GPR18: variants seen among roughly 807,000 people sequenced by gnomAD.
GPR18 encodes N-arachidonyl glycine receptor.
GPR18 carries 20 observed loss-of-function variants against 22.8 expected under a neutral mutation model. The observed-to-expected ratio is 0.88, with a 90% CI of 0.62 to 1.28. The LOEUF (loss-of-function observed/expected upper bound fraction) is 1.28. Ranked by LOEUF, GPR18 falls within the 50% of genes most tolerant of loss-of-function variation. The pLI is 0.00. For missense variants in GPR18, 379 were observed against 412.0 expected (o/e 0.92, Z 0.69); for synonymous variants, 160 against 155.3 (o/e 1.03, Z -0.22).
In GPR18 at chr13:99,254,814, A is replaced by C; in HGVS notation, c.*63T>G. 1 of 1,271,120 alleles carries C rather than the reference A, an allele frequency of 7.9e-7. No individual in the cohort carries two copies. The highest frequency in any genetic ancestry group is 1.1e-6 in the Non-Finnish European group (1 of 900,834). 78.7% of individuals were successfully genotyped at this position (1,271,120 alleles called of 1,614,324 possible). A position where few individuals can be genotyped will look rare whatever the true frequency, so the allele number is the denominator to read the frequency against. ...CTTGATAGTATTATACAGAATATCC[A>C]TTGACGCCAGAGTAGTTAGTGAAGT... is the stretch of plus-strand genomic sequence containing the variant. On this transcript the variant is annotated 3_prime_UTR_variant, in exon 2 of 2. Transcript: ENST00000397470.
At position 99,255,146 on chromosome 13, in the gene GPR18, C is replaced by G; in HGVS notation, c.727G>C (p.Val243Leu). Residue 243 changes from valine to leucine, a missense_variant, in exon 2 of 2, where the codon GTC becomes CTC. Val to Leu is a conservative substitution (Grantham distance 32). Transcript: ENST00000397470. ...IIITLLVQVL[V>L]CFMPFHICFA... is the part of the protein sequence containing the mutation. ...CAGATGTGGAAGGGCATAAAGCAGACGAGCACCTGCACCAGCAGCGTGATG... is the reference window on the plus strand; with the variant it reads ...CAGATGTGGAAGGGCATAAAGCAGAGGAGCACCTGCACCAGCAGCGTGATG... 2 of 1,614,094 alleles carry G rather than the reference C, an allele frequency of 1.2e-6. No individual in the cohort carries two copies. Among genetic ancestry groups the G allele is most frequent in the Non-Finnish European group, 1.7e-6 (2 of 1,180,026 alleles).
At chr13:99,256,879 A>G (rs1377613615) in intron 1 of GPR18, among the ~76,000 whole-genome samples, 1 of 152,158 alleles carries the variant, frequency 6.6e-6, no homozygotes, top group East Asian at 1.9e-4. Context: ...CCCTTGTAAT[A>G]TGGAGGTGGA....
intron 1 of GPR18, chr13:99,256,236 G>A (rs549874977): frequency 6.1e-6 from 1 of 163,474 alleles, no homozygotes; most frequent in East Asian, 1.7e-4. Context: ...ACTCTAGTTT[G>A]TAATTCTCTA....
chr13:99,258,006 C>T (rs1393869379), intron 1 of GPR18, 148 bp downstream of exon 1: 1 of 152,200 alleles, frequency 6.6e-6, no homozygotes. Flanking sequence ...CACAACTGAT[C>T]CTCCTGCCTT....
chr13:99,256,016 T>A, intron 1 of GPR18, 110 bp from the exon 2 acceptor site: 1 of 704,740 alleles, frequency 1.4e-6, no homozygotes, highest in Non-Finnish European at 2.3e-6. Flanking sequence ...CGAGAGCATT[T>A]AATCAAGGAA....
At chr13:99,256,055 C>T (rs2043550067) in intron 1 of GPR18, 149 bp from the exon 2 acceptor site, 1 of 554,848 alleles carries the variant, frequency 1.8e-6, no homozygotes. Flanking sequence ...ACTGAACATT[C>T]ACAGTAATTC....
At position 99,255,654 on chromosome 13, in the gene GPR18, C is replaced by T. The variant is rs1463203338; in HGVS notation, c.219G>A (p.Met73Ile). ...AATAAAACATTCGAAAGGGTAAAGT[C>T]ATTATAAATATCAAGTCCACTAATG... ...NVALVDLIFI[M>I]TLPFRMFYYA... The change falls in exon 2 of 2, where the codon ATG (methionine) becomes ATA (isoleucine). Residue 73 changes from methionine (M) to isoleucine (I), a missense_variant. By Grantham distance (10) the Met-to-Ile change is conservative (BLOSUM62 1). Transcript: ENST00000397470. 2.5e-6 allele frequency: 4 copies of T among 1,613,832 alleles called. No homozygotes were observed. In the African/African-American group the frequency reaches 4.0e-5, roughly 16 times the overall value.
rs993264083 is a variant in GPR18 at position 99,258,344 on chromosome 13, G to A, written c.-225C>T. 2.6e-5 allele frequency: 4 copies of A among 152,330 alleles called. No homozygotes were observed. The highest frequency in any genetic ancestry group is 9.6e-5 in the African/African-American group (4 of 41,568). 9.4% of individuals were successfully genotyped at this position (152,330 alleles called of 1,614,324 possible). A position where few individuals can be genotyped will look rare whatever the true frequency, so the allele number is the denominator to read the frequency against. ...AGTTTCCAGTGTAACGCTTGGCGTC[G>A]GAGTTGGTGCTGGGCTGACTTTAAT... On this transcript the variant is annotated 5_prime_UTR_variant, in exon 1 of 2. Transcript: ENST00000397470.
chr13:99,255,785 T>A lies in GPR18; in HGVS notation c.88A>T (p.Ser30Cys). 3 of 1,613,152 alleles carry A rather than the reference T, an allele frequency of 1.9e-6. No individual in the cohort carries two copies. The highest frequency in any genetic ancestry group is 1.1e-5 in the South Asian group (1 of 91,012). ...AATAATCCAATTATGAAGATACAGCTATAGAAGACAAGGGCTGCAATTTTG... is the reference window on the plus strand; with the variant it reads ...AATAATCCAATTATGAAGATACAGCAATAGAAGACAAGGGCTGCAATTTTG... ...EYKIAALVFY[S>C]CIFIIGLFVN... The change falls in exon 2 of 2, where the codon AGC becomes TGC. Residue 30 changes from serine (S) to cysteine (C), a missense_variant. Ser to Cys is a moderately radical substitution (Grantham distance 112). Transcript: ENST00000397470.
In GPR18 at chr13:99,255,371, T is replaced by G. The variant is rs1246898168; in HGVS notation, c.502A>C (p.Thr168Pro). The G allele has an allele frequency of 1.2e-6, 2 of 1,613,502 alleles. No homozygotes were observed. The highest frequency in any genetic ancestry group is 1.7e-6 in the Non-Finnish European group (2 of 1,179,936). The change falls in exon 2 of 2, where the codon ACT (threonine) becomes CCT (proline). Residue 168 changes from threonine (T) to proline (P), a missense_variant. Thr to Pro is a conservative substitution (Grantham distance 38, BLOSUM62 -1). Transcript: ENST00000397470. ...LLYKDPDKDSTPATCLKISDI... is the reference protein window; with the variant it reads ...LLYKDPDKDSPPATCLKISDI... The stretch of plus-strand genomic sequence containing the variant: ...GAAATCTTGAGGCAGGTGGCGGGAG[T>G]GGAGTCTTTATCTGGGTCTTTATAG...
Position 99,255,007 on chromosome 13 carries a change from A to G in GPR18, c.866T>C (p.Val289Ala). 1.2e-6 allele frequency: 2 copies of G among 1,614,202 alleles called. No homozygotes were observed. Among genetic ancestry groups the G allele is most frequent in the Non-Finnish European group, 1.7e-6 (2 of 1,180,032 alleles). Residue 289 changes from valine (V) to alanine (A), a missense_variant, in exon 2 of 2, where the codon GTT becomes GCT. Val to Ala is a moderately conservative substitution (Grantham distance 64). Transcript: ENST00000397470. The stretch of plus-strand genomic sequence containing the variant: ...GACTCGAGCCTGAAATTGTTTTGAA[A>G]CGATGTAGTAGAGAATCACATCCAG... ...TCLDVILYYI[V>A]SKQFQARVIS...
Position 99,255,697 on chromosome 13 carries a change from A to G in GPR18, c.176T>C (p.Ile59Thr), listed in dbSNP as rs990432598. Residue 59 changes from isoleucine (I) to threonine (T), a missense_variant, in exon 2 of 2, where the codon ATC (isoleucine) becomes ACC (threonine). Coordinates refer to ENST00000397470, the MANE Select transcript of GPR18 (RefSeq NM_001098200.2). ...CTTKKRTTVT[I>T]YMMNVALVDL... ...CACTAATGCCACATTCATCATATAG[A>G]TGGTTACCGTGGTTCTCTTCTTGGT... 6.2e-6 allele frequency: 10 copies of G among 1,613,976 alleles called. No homozygotes were observed. The African/African-American group carries it at 8.0e-5, about 13-fold the overall frequency.
In GPR18 at chr13:99,255,318, G is replaced by A. The variant is rs145449053; in HGVS notation, c.555C>T (p.Asn185=). 58 of 1,614,010 alleles carry A rather than the reference G, an allele frequency of 3.6e-5. No homozygotes were observed. The highest frequency in any genetic ancestry group is 4.5e-5 in the East Asian group (2 of 44,904). ...ISDIIYLKAV[N]VLNLTRLTFF... ...ATGTCAGTCGAGTGAGGTTCAGCAC[G>A]TTCACAGCTTTTAGATAGATGATGT... Residue 185 remains asparagine (N), a synonymous_variant, in exon 2 of 2, where the codon AAC becomes AAT. Transcript: ENST00000397470.
In GPR18 at chr13:99,255,078, A is replaced by G. The variant is rs773906701; in HGVS notation, c.795T>C (p.Asn265=). The stretch of plus-strand genomic sequence containing the variant: ...GGAAGGTGGTAAAGGCTCCCCAGGG[A>G]TTGTAACTGTTCTCCCCCGTTCCCA... The part of the protein sequence containing the change: ...LMLGTGENSY[N]PWGAFTTFLM... The change falls in exon 2 of 2, where the codon AAT becomes AAC. Residue 265 remains asparagine, a synonymous_variant. Transcript: ENST00000397470. 2.5e-6 allele frequency: 4 copies of G among 1,614,068 alleles called. No homozygotes were observed. Among genetic ancestry groups the G allele is most frequent in the South Asian group, 2.2e-5 (2 of 91,078 alleles).
intron 1 of GPR18, among the ~76,000 whole-genome samples, chr13:99,257,215 G>GA (rs1256445131): frequency 2.0e-5 from 3 of 152,160 alleles, no homozygotes; most frequent in Admixed American, 2.0e-4. Context: ...ATATTGGTGT[G>GA]ACTAGAATAT....
rs2043600405 is a variant in GPR18 at position 99,258,150 on chromosome 13, T to C, written c.-35+4A>G. On this transcript the variant is annotated splice_donor_region_variant and intron_variant, in intron 1 of 1. Transcript: ENST00000397470. Reference sequence around the variant, plus strand: ...AATCATGAAGTTAATTAAATGCTGCTTACCTCCTGTCCATCAAAAGTCTGT... The same window carrying C: ...AATCATGAAGTTAATTAAATGCTGCCTACCTCCTGTCCATCAAAAGTCTGT... The C allele has an allele frequency of 6.6e-6, 1 of 152,244 alleles. No homozygotes were observed. The highest frequency in any genetic ancestry group is 1.5e-5 in the Non-Finnish European group (1 of 68,042). The allele number at this position is 152,244 out of a possible 1,614,324, so 9.4% of individuals were successfully genotyped here.
intron 1 of GPR18, among the ~76,000 whole-genome samples, chr13:99,257,568 C>T (rs1452208030): frequency 1.3e-5 from 2 of 152,100 alleles, no homozygotes; most frequent in Non-Finnish European, 2.9e-5. Flanking sequence ...ATGAGTGATG[C>T]ATGTGTTTTA....
intron 1 of GPR18, 61 bp from the exon 2 acceptor site, chr13:99,255,967 A>G: frequency 8.3e-7 from 1 of 1,208,148 alleles, no homozygotes; most frequent in South Asian, 1.6e-5. Context: ...AATGCTTAAC[A>G]TTCTCCCACT....
rs1404512444 is a variant in GPR18 at position 99,255,818 on chromosome 13, C to T, written c.55G>A (p.Asp19Asn). The T allele has an allele frequency of 1.2e-6, 2 of 1,608,338 alleles. No individual in the cohort carries two copies. Among genetic ancestry groups the T allele is most frequent in the South Asian group, 2.2e-5 (2 of 90,394 alleles). ...QPVPFNSSHP[D>N]EYKIAALVFY... ...ACAAGGGCTGCAATTTTGTATTCAT[C>T]TGGATGTGAGCTGTTAAAAGGGACA... Residue 19 changes from aspartate to asparagine, a missense_variant, in exon 2 of 2, where the codon GAT (aspartate) becomes AAT (asparagine). Coordinates refer to ENST00000397470, the MANE Select transcript of GPR18 (RefSeq NM_001098200.2).
Sources: gnomAD v4.1 joint callset for allele counts (sites outside exome capture counted in the v4.1 genomes callset) on GRCh38, gnomAD v4.1.1 for gene constraint, MANE v1.5 for transcripts, NCBI Gene and HGNC (gene_info 2026-07-23, HGNC 2026-07-21) for gene names.